Variants in PPM1E observed in about 807,000 individuals in gnomAD.
PPM1E encodes protein phosphatase, Mg2+/Mn2+ dependent 1E.
PPM1E carries 20 observed loss-of-function variants against 65.9 expected under a neutral mutation model. That is an observed-to-expected ratio of 0.30 (90% confidence interval 0.21 to 0.44). PPM1E has a LOEUF of 0.44. Ranked by LOEUF, PPM1E falls within the 20% of genes least tolerant of loss-of-function variation. The pLI is 1.00. For missense variants in PPM1E, 713 were observed against 953.1 expected (o/e 0.75, Z 3.32); for synonymous variants, 352 against 374.9 (o/e 0.94, Z 0.70).
intron 1 of PPM1E, among the ~76,000 whole-genome samples, chr17:58,790,431 A>G (rs910513638): frequency 1.3e-5 from 2 of 152,176 alleles, no homozygotes; most frequent in African/African-American, 4.8e-5. Context: ...ATGATGGTCT[A>G]TAATGGACAT....
intron 1 of PPM1E, among the ~76,000 whole-genome samples, chr17:58,896,715 C>T (rs1263331710): frequency 1.3e-5 from 2 of 152,176 alleles, no homozygotes; most frequent in African/African-American, 2.4e-5. Flanking sequence ...CTGAGGTAGA[C>T]CCTGCAGCAT....
intron 1 of PPM1E, among the ~76,000 whole-genome samples, chr17:58,865,640 C>A (rs898827214): frequency 8.5e-5 from 13 of 152,298 alleles, no homozygotes; most frequent in Non-Finnish European, 1.8e-4. Flanking sequence ...GTTGAGGCTG[C>A]AGTGAGCCAT....
At chr17:58,906,432 A>G (rs914513482) in intron 1 of PPM1E, among the ~76,000 whole-genome samples, 2 of 152,104 alleles carry the variant, frequency 1.3e-5, no homozygotes, top group Non-Finnish European at 2.9e-5. Flanking sequence ...TCAATCTCCC[A>G]GGCTCAAGTG....
chr17:58,827,844 G>A (rs2050555974), intron 1 of PPM1E, among the ~76,000 whole-genome samples: 1 of 149,796 alleles, frequency 6.7e-6, no homozygotes, highest in Admixed American at 6.7e-5. Flanking sequence ...GGAGCTTGCA[G>A]TGAGCCAAGA....
intron 1 of PPM1E, among the ~76,000 whole-genome samples, chr17:58,850,142 C>T (rs1598609249): frequency 6.6e-6 from 1 of 152,026 alleles, no homozygotes; most frequent in Non-Finnish European, 1.5e-5. Flanking sequence ...GATCTTCCTC[C>T]ATCCCTTTAT....
intron 1 of PPM1E, among the ~76,000 whole-genome samples, chr17:58,805,980 A>AAAAAAAAAAAAAAC (rs2050307581): frequency 9.3e-6 from 1 of 107,930 alleles, no homozygotes; most frequent in African/African-American, 4.2e-5. Context: ...AAAACAAAAA[A>AAAAAAAAAAAAAAC]AAAACAAAAC....
intron 1 of PPM1E, among the ~76,000 whole-genome samples, chr17:58,952,349 G>A (rs2143635799): frequency 6.6e-6 from 1 of 152,308 alleles, no homozygotes; most frequent in South Asian, 2.1e-4. Context: ...ACAGCCTGGG[G>A]TGGGACCTCC....
chr17:58,762,128 G>A (rs1051839294), intron 1 of PPM1E, among the ~76,000 whole-genome samples: 1 of 152,202 alleles, frequency 6.6e-6, no homozygotes, highest in African/African-American at 2.4e-5. Flanking sequence ...CTGTGCCTGA[G>A]TAAATAGATT....
intron 1 of PPM1E, among the ~76,000 whole-genome samples, chr17:58,798,040 A>G (rs1417704765): frequency 6.6e-6 from 1 of 152,116 alleles, no homozygotes; most frequent in Non-Finnish European, 1.5e-5. Flanking sequence ...GATTTTGAGG[A>G]TCTTTTCATG....
chr17:58,976,079 G>C (rs554834352), intron 6 of PPM1E, among the ~76,000 whole-genome samples: 1 of 152,160 alleles, frequency 6.6e-6, no homozygotes, highest in African/African-American at 2.4e-5. Flanking sequence ...ATTCAGGAAA[G>C]GGTTCCTTTT....
At position 58,793,361 on chromosome 17, in the gene PPM1E, TA is replaced by T. The variant is rs1305052770; in HGVS notation, c.464+36901del. Among the ~76,000 whole-genome samples the T allele has an allele frequency of 4.0e-5, 6 of 151,766 alleles. No homozygotes were observed. In the East Asian group the frequency reaches 7.7e-4, roughly 20 times the overall value. Reference sequence around the variant, plus strand: ...TTTGTAAAATATTTATTATTATTATTATTTTTTTTTTTGAGATGGAGTCTTG... The same window carrying T: ...TTTGTAAAATATTTATTATTATTATTTTTTTTTTTTTGAGATGGAGTCTTG... On this transcript the variant is annotated intron_variant, in intron 1 of 6. Coordinates refer to ENST00000308249, the MANE Select transcript of PPM1E (RefSeq NM_014906.5).
At chr17:58,784,475 C>T (rs952874097) in intron 1 of PPM1E, among the ~76,000 whole-genome samples, 6 of 150,110 alleles carry the variant, frequency 4.0e-5, no homozygotes, top group African/African-American at 1.5e-4. Flanking sequence ...AATATTCATT[C>T]AAATCCTTTA....
intron 1 of PPM1E, among the ~76,000 whole-genome samples, chr17:58,885,652 G>A (rs936882454): frequency 4.6e-5 from 7 of 152,154 alleles, no homozygotes; most frequent in Admixed American, 3.9e-4. Flanking sequence ...GAAGTGTTTC[G>A]GGTCAGTGGT....
At chr17:58,785,052 T>C (rs1161732550) in intron 1 of PPM1E, among the ~76,000 whole-genome samples, 1 of 152,140 alleles carries the variant, frequency 6.6e-6, no homozygotes, top group Non-Finnish European at 1.5e-5. Flanking sequence ...TGTTGCCCAA[T>C]CCAAGGTCAT....
intron 3 of PPM1E, among the ~76,000 whole-genome samples, chr17:58,967,627 A>C (rs2030338891): frequency 6.6e-6 from 1 of 151,730 alleles, no homozygotes; most frequent in East Asian, 1.9e-4. Flanking sequence ...CATTATTATA[A>C]TAGGGAAAAC....
chr17:58,797,069 C>A (rs1401347864), intron 1 of PPM1E, among the ~76,000 whole-genome samples: 1 of 152,138 alleles, frequency 6.6e-6, no homozygotes, highest in Non-Finnish European at 1.5e-5. Flanking sequence ...GATCACGCCA[C>A]TTCACTCCAG....
intron 1 of PPM1E, among the ~76,000 whole-genome samples, chr17:58,787,918 AAAAG>A (rs1362968389): frequency 2.6e-5 from 4 of 151,722 alleles, no homozygotes; most frequent in South Asian, 4.2e-4. Flanking sequence ...AAAAAAAAAA[AAAAG>A]AAAAGAAAGA....
At chr17:58,886,764 T>A (rs2051269952) in intron 1 of PPM1E, among the ~76,000 whole-genome samples, 1 of 152,184 alleles carries the variant, frequency 6.6e-6, no homozygotes, top group Admixed American at 6.5e-5. Flanking sequence ...TCAGAAACAT[T>A]ACGCTAAGTG....
rs185114445 is a variant in PPM1E at position 58,789,414 on chromosome 17, A to G, written c.464+32953A>G. Among the ~76,000 whole-genome samples the G allele has an allele frequency of 1.6e-4, 25 of 151,944 alleles. No individual in the cohort carries two copies. The East Asian group carries it at 4.5e-3, about 27-fold the overall frequency. ...TTTAGTCTTCATTCTTGCTGCGGCC[A>G]CCCCAGTTCAGTCTTCATTACTCAT... On this transcript the variant is annotated intron_variant, in intron 1 of 6. Transcript: ENST00000308249.
Sources: gnomAD v4.1 joint callset for allele counts (sites outside exome capture counted in the v4.1 genomes callset) on GRCh38, gnomAD v4.1.1 for gene constraint, MANE v1.5 for transcripts, NCBI Gene and HGNC (gene_info 2026-07-23, HGNC 2026-07-21) for gene names.